DIAPH2: variants seen among roughly 807,000 people sequenced by gnomAD.
DIAPH2 encodes protein diaphanous homolog 2.
A neutral mutation model predicts 92.7 loss-of-function variants in DIAPH2; 35 were observed. The ratio of observed to expected loss-of-function variants is 0.38; its 90% confidence interval spans 0.29 to 0.50. DIAPH2 has a LOEUF of 0.50. Among genes scored for constraint, DIAPH2 ranks in the 20% least tolerant of loss-of-function variants. The pLI, the probability that DIAPH2 is intolerant of heterozygous loss-of-function variation, is 0.94. For missense variants in DIAPH2, 701 were observed against 819.5 expected, an observed-to-expected ratio of 0.86 and a Z score of 1.77; for synonymous variants, 301 against 280.4, an observed-to-expected ratio of 1.07 and a Z score of -0.73.
At chrX:97,462,018 A>AG (rs1205083330) in intron 26 of DIAPH2, among the ~76,000 whole-genome samples, 1 of 110,950 alleles carries the variant, frequency 9.0e-6, no homozygotes, top group Non-Finnish European at 1.9e-5. Context: ...GAAAAGGAGG[A>AG]GGGGTTATGT....
At chrX:97,103,558 C>T (rs2066919548) in intron 20 of DIAPH2, among the ~76,000 whole-genome samples, 1 of 111,872 alleles carries the variant, frequency 8.9e-6, no homozygotes. Context: ...TTCTCTGTCT[C>T]CATCACCACC....
chrX:97,584,012 A>G (rs1210364265), intron 26 of DIAPH2, among the ~76,000 whole-genome samples: 1 of 112,541 alleles, frequency 8.9e-6, no homozygotes, highest in Non-Finnish European at 1.9e-5. Flanking sequence ...GAGTGAGGCA[A>G]TGCCTCGCCC....
intron 8 of DIAPH2, among the ~76,000 whole-genome samples, chrX:96,917,493 T>A (rs1037381234): frequency 9.0e-6 from 1 of 111,365 alleles, no homozygotes; most frequent in African/African-American, 3.2e-5. Context: ...AAAGCAAGGA[T>A]CCTTAGGATT....
intron 4 of DIAPH2, among the ~76,000 whole-genome samples, chrX:96,847,980 C>G (rs1270396661): frequency 4.5e-5 from 5 of 111,326 alleles, no homozygotes; most frequent in Non-Finnish European, 9.4e-5. Context: ...ATCCCCTTCT[C>G]TTGTTATTGG....
intron 19 of DIAPH2, among the ~76,000 whole-genome samples, chrX:97,090,118 T>C (rs956136891): frequency 2.7e-5 from 3 of 111,456 alleles, no homozygotes; most frequent in Non-Finnish European, 5.7e-5. Context: ...TACACTTATA[T>C]AGGTTATATG....
At chrX:97,561,898 A>T (rs2071296350) in intron 26 of DIAPH2, among the ~76,000 whole-genome samples, 1 of 112,482 alleles carries the variant, frequency 8.9e-6, no homozygotes, top group Non-Finnish European at 1.9e-5. Flanking sequence ...CATTGGAAAC[A>T]TTTTTGTTTT....
chrX:96,992,647 T>C (rs1330436233), intron 17 of DIAPH2, among the ~76,000 whole-genome samples: 1 of 112,402 alleles, frequency 8.9e-6, no homozygotes, highest in Non-Finnish European at 1.9e-5. Context: ...TTATTTAAGG[T>C]ATTATTCCGA....
chrX:97,039,436 G>T (rs1402586596), intron 17 of DIAPH2, among the ~76,000 whole-genome samples: 1 of 111,307 alleles, frequency 9.0e-6, no homozygotes, highest in Non-Finnish European at 1.9e-5. Flanking sequence ...TAAAATTAGT[G>T]GGACCGTTGA....
At chrX:97,293,174 C>T (rs528694026) in intron 23 of DIAPH2, among the ~76,000 whole-genome samples, 3 of 108,283 alleles carry the variant, frequency 2.8e-5, no homozygotes, top group African/African-American at 6.7e-5. Flanking sequence ...CAATATCTCT[C>T]GTGTTTTTAT....
chrX:97,058,576 A>G (rs752821618), intron 17 of DIAPH2, among the ~76,000 whole-genome samples: 1 of 104,743 alleles, frequency 9.5e-6, no homozygotes, highest in Non-Finnish European at 2.0e-5. Context: ...GGGACAATGA[A>G]CTCCCCTGTT....
chrX:97,076,402 C>T (rs189310291), intron 19 of DIAPH2, among the ~76,000 whole-genome samples: 1 of 110,529 alleles, frequency 9.0e-6, no homozygotes, highest in Admixed American at 9.6e-5. Context: ...TGTGGTGGTG[C>T]GCATCTGTAA....
At chrX:97,225,321 G>C (rs2067956376) in intron 22 of DIAPH2, among the ~76,000 whole-genome samples, 1 of 111,370 alleles carries the variant, frequency 9.0e-6, no homozygotes, top group Non-Finnish European at 1.9e-5. Flanking sequence ...AATCAATCTA[G>C]AAACTGGTTT....
chrX:97,482,406 A>T (rs1356577228), intron 26 of DIAPH2, among the ~76,000 whole-genome samples: 1 of 112,472 alleles, frequency 8.9e-6, no homozygotes, highest in Non-Finnish European at 1.9e-5. Flanking sequence ...TGCAGGAATA[A>T]TCAGGCTCAG....
intron 23 of DIAPH2, among the ~76,000 whole-genome samples, chrX:97,304,264 C>T (rs2068729080): frequency 8.9e-6 from 1 of 112,170 alleles, no homozygotes; most frequent in Non-Finnish European, 1.9e-5. Flanking sequence ...ACCATAAACA[C>T]TGTCCAAGCA....
At position 97,114,742 on chromosome X, in the gene DIAPH2, T is replaced by C; in HGVS notation, c.2366T>C (p.Met789Thr). The C allele has an allele frequency of 8.3e-7, 1 of 1,206,076 alleles. No homozygotes were observed. Among genetic ancestry groups the C allele is most frequent in the Non-Finnish European group, 1.1e-6 (1 of 892,768 alleles). ...ATCTTACAGATGAGCTCTGTGAAAATGTTACAGCCTCGTCTCAGTAGTATC... is the reference window on the plus strand; with the variant it reads ...ATCTTACAGATGAGCTCTGTGAAAACGTTACAGCCTCGTCTCAGTAGTATC... ...QFGVVMSSVKMLQPRLSSILF... is the reference protein window; with the variant it reads ...QFGVVMSSVKTLQPRLSSILF... The change falls in exon 21 of 27, where the codon ATG becomes ACG. Residue 789 changes from methionine to threonine, a missense_variant. Physicochemically the swap from Met to Thr is moderately conservative, Grantham distance 81. Transcript: ENST00000324765.
intron 26 of DIAPH2, among the ~76,000 whole-genome samples, chrX:97,540,785 A>G (rs1008423013): frequency 8.9e-6 from 1 of 112,354 alleles, no homozygotes; most frequent in African/African-American, 3.2e-5. Context: ...CTATAAAGAT[A>G]GACTAGAAGC....
Position 96,948,998 on chromosome X carries a change from A to G in DIAPH2, c.1573A>G (p.Ile525Val). 8.3e-7 allele frequency: 1 copy of G among 1,206,508 alleles called. No homozygotes were observed. The highest frequency in any genetic ancestry group is 1.8e-5 in the South Asian group (1 of 55,670). Residue 525 changes from isoleucine (I) to valine (V), a missense_variant, in exon 15 of 27, where the codon ATC becomes GTC. Transcript: ENST00000324765. The stretch of plus-strand genomic sequence containing the variant: ...AGAGCTTCAAAAAAGAGATGAGAAA[A>G]TCAAAGAACTTGAAGCAGAAATCCA... ...QAELQKRDEKIKELEAEIQQL... is the reference protein window; with the variant it reads ...QAELQKRDEKVKELEAEIQQL...
intron 26 of DIAPH2, among the ~76,000 whole-genome samples, chrX:97,441,875 C>A (rs2070263012): frequency 8.8e-6 from 1 of 112,996 alleles, no homozygotes; most frequent in Non-Finnish European, 1.9e-5. Flanking sequence ...CATGTATTGG[C>A]TAATAAGATC....
At chrX:96,776,126 G>T (rs1273063514) in intron 4 of DIAPH2, among the ~76,000 whole-genome samples, 3 of 111,827 alleles carry the variant, frequency 2.7e-5, no homozygotes, top group Non-Finnish European at 5.6e-5. Flanking sequence ...CAACTGTGAA[G>T]ATTATCCCTA....
Sources: gnomAD v4.1 joint callset for allele counts (sites outside exome capture counted in the v4.1 genomes callset) on GRCh38, gnomAD v4.1.1 for gene constraint, MANE v1.5 for transcripts, NCBI Gene and HGNC (gene_info 2026-07-23, HGNC 2026-07-21) for gene names.